CHLSN: variants seen among roughly 807,000 people sequenced by gnomAD.
CHLSN encodes the protein cholesin.
the CHLSN span, chr7:1,092,730 G>A: frequency 7.4e-6 from 12 of 1,613,582 alleles, no homozygotes; most frequent in East Asian, 1.8e-4. Flanking sequence ...TCAGGGACAA[G>A]CTGAGGCTGT....
chr7:1,095,384 C>T, the CHLSN span, among the ~76,000 whole-genome samples: 1 of 151,590 alleles, frequency 6.6e-6, no homozygotes, highest in African/African-American at 2.4e-5. Flanking sequence ...TTACAAGATG[C>T]ATGCTTCAAT....
At chr7:1,059,563 GTAGTGAGGCGGTTCC>G in the CHLSN span, among the ~76,000 whole-genome samples, 2 of 116,006 alleles carry the variant, frequency 1.7e-5, no homozygotes, top group Non-Finnish European at 4.0e-5. Flanking sequence ...GGGCGGGTCG[GTAGTGAGGCGGTTCC>G]TAGTGAGGCG....
the CHLSN span, among the ~76,000 whole-genome samples, chr7:1,104,221 G>T: frequency 1.3e-5 from 2 of 152,246 alleles, no homozygotes; most frequent in Non-Finnish European, 1.5e-5. Flanking sequence ...TGTCAGCACC[G>T]AGGCAAGGGC....
the CHLSN span, among the ~76,000 whole-genome samples, chr7:1,129,991 G>A: frequency 6.6e-6 from 1 of 152,072 alleles, no homozygotes; most frequent in Non-Finnish European, 1.5e-5. Context: ...GCAAAGCTGT[G>A]GCACCACACG....
the CHLSN span, among the ~76,000 whole-genome samples, chr7:1,081,555 G>A: frequency 4.6e-5 from 7 of 152,240 alleles, no homozygotes; most frequent in East Asian, 3.8e-4. Flanking sequence ...TCCGCCACGC[G>A]GACGGGGAAG....
At chr7:1,038,087 C>G in the CHLSN span, among the ~76,000 whole-genome samples, 1 of 123,376 alleles carries the variant, frequency 8.1e-6, no homozygotes, top group Non-Finnish European at 1.8e-5. Flanking sequence ...CCTCTCCGCC[C>G]GGCAGCCACC....
the CHLSN span, among the ~76,000 whole-genome samples, chr7:1,121,628 C>T: frequency 6.6e-6 from 1 of 152,284 alleles, no homozygotes; most frequent in South Asian, 2.1e-4. Flanking sequence ...CTGACCACCA[C>T]CTGTGCCCCG....
At chr7:978,518 A>G in the CHLSN span, among the ~76,000 whole-genome samples, 1 of 152,178 alleles carries the variant, frequency 6.6e-6, no homozygotes, top group Admixed American at 6.5e-5. Flanking sequence ...GACCTTGTCT[A>G]CAAGAAAAAA....
chr7:997,371 C>T, the CHLSN span: 3 of 440,664 alleles, frequency 6.8e-6, no homozygotes, highest in African/African-American at 2.1e-5. Context: ...AGAGCATCCA[C>T]GCTCTGCGCT....
At chr7:1,089,410 G>A in the CHLSN span, among the ~76,000 whole-genome samples, 6 of 151,584 alleles carry the variant, frequency 4.0e-5, no homozygotes, top group South Asian at 2.1e-4. Context: ...AGGCTCGAGT[G>A]CAGTGGTGTG....
At chr7:1,026,048 C>T in the CHLSN span, 1 of 152,348 alleles carries the variant, frequency 6.6e-6, no homozygotes, top group African/African-American at 2.4e-5. Context: ...TCCCAGAGGC[C>T]CTGCCCCCTT....
chr7:1,122,835 C>T, the CHLSN span, among the ~76,000 whole-genome samples: 1 of 152,216 alleles, frequency 6.6e-6, no homozygotes, highest in Non-Finnish European at 1.5e-5. Context: ...AGAGGAAAGG[C>T]CCAAGGCGCC....
At chr7:1,019,886 A>T in the CHLSN span, among the ~76,000 whole-genome samples, 6,916 of 152,340 alleles carry the variant, frequency 0.045, 529 homozygotes, top group African/African-American at 0.16. Context: ...GCCTGGACCC[A>T]GAGGCCCGCA....
the CHLSN span, among the ~76,000 whole-genome samples, chr7:1,091,079 G>A: frequency 7.2e-5 from 11 of 152,092 alleles, no homozygotes; most frequent in African/African-American, 1.4e-4. Context: ...TGGGGCGGCC[G>A]TGCCCATACC....
At chr7:1,049,006 C>G in the CHLSN span, among the ~76,000 whole-genome samples, 1 of 152,376 alleles carries the variant, frequency 6.6e-6, no homozygotes, top group African/African-American at 2.4e-5. Context: ...ACTGCAAAGC[C>G]TCTGCAGTCT....
chr7:1,112,058 AT>A, the CHLSN span, among the ~76,000 whole-genome samples: 7 of 152,344 alleles, frequency 4.6e-5, no homozygotes, highest in South Asian at 1.4e-3. Flanking sequence ...CTTTTTTAAA[AT>A]TACATTTTGC....
At chr7:1,127,276 C>T in the CHLSN span, 1 of 1,599,346 alleles carries the variant, frequency 6.3e-7, no homozygotes, top group South Asian at 1.1e-5. Context: ...GGCTCCTTCG[C>T]CACTTGGTGC....
chr7:1,124,457 A>G, the CHLSN span, among the ~76,000 whole-genome samples: 8 of 151,204 alleles, frequency 5.3e-5, no homozygotes, highest in Non-Finnish European at 1.0e-4. Context: ...ACCACAGAAC[A>G]AGAGCTCCAG....
the CHLSN span, among the ~76,000 whole-genome samples, chr7:1,041,631 G>T: frequency 6.6e-6 from 1 of 152,120 alleles, no homozygotes; most frequent in Non-Finnish European, 1.5e-5. Context: ...TAATCAACAG[G>T]CCACAAAGAA....
Sources: gnomAD v4.1 joint callset for allele counts (sites outside exome capture counted in the v4.1 genomes callset) on GRCh38, gnomAD v4.1.1 for gene constraint, MANE v1.5 for transcripts, NCBI Gene and HGNC (gene_info 2026-07-23, HGNC 2026-07-21) for gene names.